The following RASGRF2 variants were observed in gnomAD, a reference collection of about 807,000 sequenced individuals.
RASGRF2 encodes the protein Ras protein specific guanine nucleotide releasing factor 2, also known as ras-specific guanine nucleotide-releasing factor 2.
A neutral mutation model predicts 151.0 loss-of-function variants in RASGRF2; 76 were observed. That is an observed-to-expected ratio of 0.50 (90% CI 0.42 to 0.61). The LOEUF is 0.61. Among genes scored for constraint, RASGRF2 ranks in the 20% least tolerant of loss-of-function variants. The probability of loss-of-function intolerance (pLI) is 0.00; values close to 1 mark genes in which losing one functional copy is unlikely to be tolerated. For synonymous variants in RASGRF2, 504 were observed against 566.5 expected (o/e 0.89, Z 1.57); for missense variants, 1,148 against 1,564.6 (o/e 0.73, Z 4.49).
intron 17 of RASGRF2, among the ~76,000 whole-genome samples, chr5:81,172,399 C>T (rs1397019965): frequency 1.3e-5 from 2 of 151,242 alleles, no homozygotes; most frequent in Admixed American, 1.3e-4. Flanking sequence ...AATGATAGAT[C>T]TGCTGAGCTG....
intron 1 of RASGRF2, among the ~76,000 whole-genome samples, chr5:81,017,693 T>G (rs1255787141): frequency 6.6e-6 from 1 of 152,212 alleles, no homozygotes. Context: ...ACACAGAATA[T>G]TCTTGAAGTT....
intron 17 of RASGRF2, among the ~76,000 whole-genome samples, chr5:81,161,842 T>C (rs1754391325): frequency 6.6e-6 from 1 of 152,136 alleles, no homozygotes; most frequent in African/African-American, 2.4e-5. Context: ...AAGGAACTCA[T>C]TGCCAGCCTT....
chr5:80,992,696 T>G (rs1447085590), intron 1 of RASGRF2, among the ~76,000 whole-genome samples: 2 of 152,210 alleles, frequency 1.3e-5, no homozygotes, highest in Admixed American at 6.5e-5. Flanking sequence ...TTCAGTCTTT[T>G]TTGAAAGTTC....
chr5:81,096,173 A>G (rs1317739373), intron 12 of RASGRF2: 1 of 152,238 alleles, frequency 6.6e-6, no homozygotes, highest in African/African-American at 2.4e-5. Context: ...ATAAATAGCT[A>G]GAAAAGAAGC....
intron 17 of RASGRF2, among the ~76,000 whole-genome samples, chr5:81,175,685 G>A: frequency 6.6e-6 from 1 of 151,200 alleles, no homozygotes; most frequent in Middle Eastern, 3.2e-3. Context: ...GAACTGGGAG[G>A]TGGAGGTTGC....
At chr5:81,036,265 T>A (rs1750489475) in intron 1 of RASGRF2, among the ~76,000 whole-genome samples, 1 of 152,144 alleles carries the variant, frequency 6.6e-6, no homozygotes, top group Non-Finnish European at 1.5e-5. Flanking sequence ...ATCGTTATAG[T>A]CATTGCAGAT....
intron 12 of RASGRF2, among the ~76,000 whole-genome samples, chr5:81,107,461 T>A (rs1393069254): frequency 6.6e-6 from 1 of 152,220 alleles, no homozygotes; most frequent in Admixed American, 6.5e-5. Context: ...TCCTGTCTGG[T>A]CCTAGACCAG....
intron 17 of RASGRF2, among the ~76,000 whole-genome samples, chr5:81,147,271 A>C (rs1216990686): frequency 1.3e-5 from 2 of 152,150 alleles, no homozygotes; most frequent in Non-Finnish European, 2.9e-5. Context: ...CTCTGGCAGC[A>C]GATTTTTTTT....
chr5:81,166,408 G>A (rs186088238), intron 17 of RASGRF2, among the ~76,000 whole-genome samples: 1,877 of 152,056 alleles, frequency 0.012, 22 homozygotes, highest in Non-Finnish European at 0.018. Flanking sequence ...GGCTGGTCTC[G>A]AACTCCAGAC....
At chr5:81,150,716 A>G (rs1320734865) in intron 17 of RASGRF2, among the ~76,000 whole-genome samples, 1 of 152,256 alleles carries the variant, frequency 6.6e-6, no homozygotes, top group African/African-American at 2.4e-5. Context: ...AATAACTGCA[A>G]AAGTTTAAAC....
rs368405790 is a variant in RASGRF2 at position 80,996,254 on chromosome 5, A to G, written c.288+35228A>G. Among the ~76,000 whole-genome samples the G allele has an allele frequency of 1.1e-4, 17 of 152,172 alleles. No individual in the cohort carries two copies. The South Asian group carries it at 3.5e-3, about 32-fold the overall frequency. On this transcript the variant is annotated intron_variant, in intron 1 of 26. Transcript: ENST00000265080. ...TTCTTTATGTAAAATAACCACATAAACTGTAAAATTCAGGAGTGGAGATCA... is the reference window on the plus strand; with the variant it reads ...TTCTTTATGTAAAATAACCACATAAGCTGTAAAATTCAGGAGTGGAGATCA...
chr5:81,085,975 ACCT>A, intron 8 of RASGRF2, 64 bp downstream of exon 8: 2 of 1,606,702 alleles, frequency 1.2e-6, no homozygotes, highest in Non-Finnish European at 1.7e-6. Context: ...TCTTGTGGAA[ACCT>A]CCTGTATATG....
At chr5:81,190,547 T>C (rs115040837) in intron 18 of RASGRF2, among the ~76,000 whole-genome samples, 2,730 of 152,356 alleles carry the variant, frequency 0.018, 106 homozygotes, top group African/African-American at 0.062. Context: ...CTGGAAAATA[T>C]GAAATGTAAG....
chr5:81,071,891 T>C (rs983638789), intron 4 of RASGRF2, among the ~76,000 whole-genome samples: 4 of 152,132 alleles, frequency 2.6e-5, no homozygotes, highest in Non-Finnish European at 5.9e-5. Flanking sequence ...CCCAAGTAAA[T>C]AGAAAGGTTT....
At chr5:81,157,333 G>A (rs1414555883) in intron 17 of RASGRF2, among the ~76,000 whole-genome samples, 3 of 149,848 alleles carry the variant, frequency 2.0e-5, no homozygotes, top group Admixed American at 6.6e-5. Context: ...TCCAGCCTGG[G>A]TGACAGAGTA....
At chr5:80,985,223 C>G (rs753356785) in intron 1 of RASGRF2, among the ~76,000 whole-genome samples, 11 of 152,052 alleles carry the variant, frequency 7.2e-5, no homozygotes, top group Non-Finnish European at 1.0e-4. Context: ...AAAACAATAA[C>G]AACAACAAAA....
intron 2 of RASGRF2, among the ~76,000 whole-genome samples, chr5:81,055,299 C>T (rs1751159790): frequency 6.6e-6 from 1 of 152,102 alleles, no homozygotes; most frequent in South Asian, 2.1e-4. Flanking sequence ...GAGATACGTC[C>T]CATCAATACC....
chr5:81,102,895 A>G (rs999034448), intron 12 of RASGRF2, among the ~76,000 whole-genome samples: 5 of 152,148 alleles, frequency 3.3e-5, no homozygotes, highest in Admixed American at 6.5e-5. Flanking sequence ...CATGTGCTCA[A>G]ATTAAAAATT....
At chr5:80,965,873 C>A (rs1375572174) in intron 1 of RASGRF2, among the ~76,000 whole-genome samples, 1 of 151,976 alleles carries the variant, frequency 6.6e-6, no homozygotes, top group Non-Finnish European at 1.5e-5. Flanking sequence ...CTGCAGTTTT[C>A]AATACTACTT....
Sources: allele counts gnomAD v4.1 joint callset (sites outside exome capture counted in the v4.1 genomes callset), GRCh38; gene constraint gnomAD v4.1.1; transcripts MANE v1.5; gene names NCBI Gene and HGNC (gene_info 2026-07-23, HGNC 2026-07-21).